PLEKHM2: variants seen among roughly 807,000 people sequenced by gnomAD.
PLEKHM2 encodes the protein pleckstrin homology domain-containing family M member 2.
Under a neutral mutation model 116.3 loss-of-function variants are expected in PLEKHM2, and 77 were observed. That is an observed-to-expected ratio of 0.66 (90% CI 0.55 to 0.80). PLEKHM2 has a LOEUF of 0.80. Ranked by LOEUF, PLEKHM2 falls within the 30% of genes least tolerant of loss-of-function variation. The pLI, the probability that PLEKHM2 is intolerant of heterozygous loss-of-function variation, is 0.00. For synonymous variants in PLEKHM2, 562 were observed against 571.0 expected (o/e 0.98, Z 0.22); for missense variants, 1,183 against 1,354.9 (o/e 0.87, Z 1.99).
rs1396553461 is a variant in PLEKHM2 at position 15,727,976 on chromosome 1, C to T, written c.1761-103C>T. ...TGAGCCTCCCTCCCTAACTTTGGCT[C>T]CTAGTGGGAGGCGGAGGCACTACCC... On this transcript the variant is annotated intron_variant, in intron 9 of 19. Transcript: ENST00000375799. This position sits in a 1 kb window ranked among gnomAD's most constrained non-coding sequence, Gnocchi z 7.5. 4.9e-6 allele frequency: 6 copies of T among 1,227,746 alleles called. No individual in the cohort carries two copies. Among genetic ancestry groups the T allele is most frequent in the Non-Finnish European group, 7.0e-6 (6 of 852,746 alleles). 76.1% of individuals were successfully genotyped at this position (1,227,746 alleles called of 1,614,324 possible).
chr1:15,707,670 G>A (rs1278558250), intron 1 of PLEKHM2, among the ~76,000 whole-genome samples: 2 of 152,196 alleles, frequency 1.3e-5, no homozygotes, highest in Non-Finnish European at 2.9e-5. Flanking sequence ...TCCCAGAAGT[G>A]GGGAAAGCCC....
In PLEKHM2 at chr1:15,728,524, C is replaced by T; in HGVS notation, c.1922-145C>T. ...GCAGCCCTGAGACGTGAGCCTGGGGCTCCCTCTGTGAGCACTCCACGCCAT... is the reference window on the plus strand; with the variant it reads ...GCAGCCCTGAGACGTGAGCCTGGGGTTCCCTCTGTGAGCACTCCACGCCAT... On this transcript the variant is annotated intron_variant, in intron 11 of 19. Coordinates refer to ENST00000375799, the MANE Select transcript of PLEKHM2 (RefSeq NM_015164.4). This position sits in a 1 kb window ranked among gnomAD's most constrained non-coding sequence, Gnocchi z 5.9. 1.0e-6 allele frequency: 1 copy of T among 954,286 alleles called. No individual in the cohort carries two copies. Among genetic ancestry groups the T allele is most frequent in the East Asian group, 2.6e-5 (1 of 38,144 alleles). 59.1% of individuals were successfully genotyped at this position (954,286 alleles called of 1,614,324 possible).
intron 8 of PLEKHM2, chr1:15,725,996 T>G: frequency 5.9e-6 from 1 of 170,552 alleles, no homozygotes; most frequent in Non-Finnish European, 1.3e-5. Flanking sequence ...ACCATCACAT[T>G]GGGAGTTAGG....
intron 1 of PLEKHM2, among the ~76,000 whole-genome samples, chr1:15,693,923 C>A (rs555619443): frequency 2.1e-4 from 32 of 152,236 alleles, no homozygotes; most frequent in African/African-American, 7.5e-4. Context: ...GTCTCCAGTG[C>A]CCATCTCAGG....
At chr1:15,690,069 T>TTG (rs1553157525) in intron 1 of PLEKHM2, among the ~76,000 whole-genome samples, 9 of 150,678 alleles carry the variant, frequency 6.0e-5, no homozygotes, top group African/African-American at 2.0e-4. Context: ...GTTTTTTTTT[T>TTG]TTTTGTTTTG....
chr1:15,732,365 G>C lies in PLEKHM2; in HGVS notation c.2641G>C (p.Val881Leu). The C allele has an allele frequency of 1.3e-6, 2 of 1,554,394 alleles. No homozygotes were observed. The highest frequency in any genetic ancestry group is 1.2e-5 in the South Asian group (1 of 84,322). Residue 881 changes from valine (V) to leucine (L), a missense_variant, in exon 18 of 20, where the codon GTA becomes CTA. This residue lies in a region of PLEKHM2 where 594 missense variants were observed against 720.1 expected (regional missense o/e 0.82). Coordinates refer to ENST00000375799, the MANE Select transcript of PLEKHM2 (RefSeq NM_015164.4). The part of the protein sequence containing the change: ...AVSKGVIPQG[V>L]APSPCIPCCL... ...CCGCTGCCAGGTCATCCCCCAGGGC[G>C]TAGCTCCCAGCCCCTGCATACCCTG... is the stretch of plus-strand genomic sequence containing the variant.
At position 15,727,093 on chromosome 1, in the gene PLEKHM2, A is replaced by G; in HGVS notation, c.1021A>G (p.Ser341Gly). ...EEASPLHPAC[S>G]QKKCAKQGDG... is the part of the protein sequence containing the mutation. ...GGCAAGTCCACTCCACCCCGCCTGCAGCCAGAAGAAATGTGCCAAGCAGGG... is the reference window on the plus strand; with the variant it reads ...GGCAAGTCCACTCCACCCCGCCTGCGGCCAGAAGAAATGTGCCAAGCAGGG... Residue 341 changes from serine (S) to glycine (G), a missense_variant, in exon 9 of 20, where the codon AGC becomes GGC. By Grantham distance (56) the Ser-to-Gly change is moderately conservative (BLOSUM62 0). Transcript: ENST00000375799. This position sits in a 1 kb window ranked among gnomAD's most constrained non-coding sequence, Gnocchi z 7.5. The G allele has an allele frequency of 6.4e-7, 1 of 1,550,404 alleles. No individual in the cohort carries two copies. The highest frequency in any genetic ancestry group is 1.2e-5 in the South Asian group (1 of 81,390).
chr1:15,688,052 A>G (rs1640808283), intron 1 of PLEKHM2, among the ~76,000 whole-genome samples: 1 of 152,126 alleles, frequency 6.6e-6, no homozygotes, highest in Non-Finnish European at 1.5e-5. Context: ...GTTCTCACAA[A>G]GTGAAAACAC....
intron 1 of PLEKHM2, among the ~76,000 whole-genome samples, chr1:15,713,636 T>G (rs1484399154): frequency 5.3e-5 from 8 of 151,964 alleles, no homozygotes; most frequent in South Asian, 2.1e-4. Flanking sequence ...GTTTGTTTGT[T>G]TTTTGTTTTT....
intron 1 of PLEKHM2, among the ~76,000 whole-genome samples, chr1:15,701,293 C>T (rs546659056): frequency 6.1e-4 from 88 of 145,332 alleles, no homozygotes; most frequent in Non-Finnish European, 1.1e-3. Context: ...ATTAGCTGGG[C>T]ATGGTGGCAG....
At chr1:15,720,786 C>G (rs2067987500) in intron 6 of PLEKHM2, 1 of 152,336 alleles carries the variant, frequency 6.6e-6, no homozygotes, top group Admixed American at 6.5e-5. Flanking sequence ...CTCAAACTTG[C>G]TGTTAGCAAG....
chr1:15,733,728 G>GC, intron 19 of PLEKHM2, 69 bp from the exon 20 acceptor site: 1 of 1,536,160 alleles, frequency 6.5e-7, no homozygotes. Flanking sequence ...CAGGCCTGGT[G>GC]CCCACAAGCC....
chr1:15,708,740 A>G (rs1641273575), intron 1 of PLEKHM2, among the ~76,000 whole-genome samples: 1 of 152,158 alleles, frequency 6.6e-6, no homozygotes, highest in Non-Finnish European at 1.5e-5. Context: ...AACATTTTAC[A>G]TACATTATTC....
upstream of PLEKHM2, among the ~76,000 whole-genome samples, chr1:15,682,652 CAAAA>C (rs146018151): frequency 1.4e-5 from 1 of 71,786 alleles, no homozygotes. Context: ...ACAAAAAAAA[CAAAA>C]AACAAAGTAC....
chr1:15,688,678 AC>A (rs1640825019), intron 1 of PLEKHM2, among the ~76,000 whole-genome samples: 1 of 151,856 alleles, frequency 6.6e-6, no homozygotes, highest in African/African-American at 2.4e-5. Context: ...GGAAATGATA[AC>A]AATAGCAAAT....
chr1:15,681,994 C>T (rs1160905481), upstream of PLEKHM2, among the ~76,000 whole-genome samples: 1 of 151,738 alleles, frequency 6.6e-6, no homozygotes, highest in Admixed American at 6.6e-5. Context: ...GGCCTGAGCT[C>T]AGGAGTTCAA....
At chr1:15,714,664 G>T (rs547032594) in intron 1 of PLEKHM2, among the ~76,000 whole-genome samples, 41 of 152,316 alleles carry the variant, frequency 2.7e-4, no homozygotes, top group Admixed American at 1.4e-3. Flanking sequence ...GCACATGCTT[G>T]TTGGTGTGGT....
rs1557635876 is a variant in PLEKHM2 at position 15,684,523 on chromosome 1, G to GGCT, written c.-35_-34insCTG. Reference sequence around the variant, plus strand: ...GAAGCGGCGGCGGGGCGGCGGCGGCGGTGGCGGTGGCGGTGGCGGCGACGG... The same window carrying GGCT: ...GAAGCGGCGGCGGGGCGGCGGCGGCGGCTGTGGCGGTGGCGGTGGCGGCGACGG... On this transcript the variant is annotated 5_prime_UTR_variant, in exon 1 of 20. Transcript: ENST00000375799. 2.2e-6 allele frequency: 2 copies of GGCT among 898,998 alleles called. No individual in the cohort carries two copies. The allele number at this position is 898,998 out of a possible 1,614,324, so 55.7% of individuals were successfully genotyped here.
chr1:15,703,266 G>C (rs958400829), intron 1 of PLEKHM2, among the ~76,000 whole-genome samples: 2 of 152,214 alleles, frequency 1.3e-5, no homozygotes, highest in African/African-American at 4.8e-5. Flanking sequence ...GCTGAGCAGG[G>C]ATGGGGCAGG....
Sources: gnomAD v4.1 joint callset for allele counts (sites outside exome capture counted in the v4.1 genomes callset) on GRCh38, gnomAD v4.1.1 for gene constraint, gnomAD v4.1.1 regional missense constraint, Gnocchi (gnomAD v3.1) non-coding constraint, MANE v1.5 for transcripts, NCBI Gene and HGNC (gene_info 2026-07-23, HGNC 2026-07-21) for gene names.